Variants in ZNF385B observed in about 807,000 individuals in gnomAD.
The protein encoded by ZNF385B is zinc finger protein 533.
ZNF385B carries 23 observed loss-of-function variants against 39.2 expected under a neutral mutation model. The observed-to-expected ratio is 0.59, with a 90% CI of 0.42 to 0.83. The LOEUF is 0.83. Among genes scored for constraint, ZNF385B ranks in the 40% least tolerant of loss-of-function variants. ZNF385B has a pLI of 0.00. For missense variants in ZNF385B, 552 were observed against 598.9 expected, an observed-to-expected ratio of 0.92 and a Z score of 0.82; for synonymous variants, 205 against 222.6, an observed-to-expected ratio of 0.92 and a Z score of 0.70.
intron 3 of ZNF385B, among the ~76,000 whole-genome samples, chr2:179,563,933 GACT>G (rs1684239827): frequency 6.6e-6 from 1 of 152,116 alleles, no homozygotes; most frequent in Non-Finnish European, 1.5e-5. Flanking sequence ...GTTGAATCAT[GACT>G]GATTCTTGGA....
At chr2:179,511,456 C>A (rs1054580207) in intron 5 of ZNF385B, among the ~76,000 whole-genome samples, 2 of 152,090 alleles carry the variant, frequency 1.3e-5, no homozygotes, top group African/African-American at 4.8e-5. Context: ...GGCAGAAAGA[C>A]CGAGGAGGGC....
intron 1 of ZNF385B, among the ~76,000 whole-genome samples, chr2:179,857,159 T>C (rs1049060480): frequency 1.3e-5 from 2 of 152,214 alleles, no homozygotes; most frequent in Admixed American, 1.3e-4. Context: ...AAAAACCATG[T>C]TGAGGTGTTA....
At chr2:179,621,933 G>A (rs1215879583) in intron 3 of ZNF385B, among the ~76,000 whole-genome samples, 2 of 152,120 alleles carry the variant, frequency 1.3e-5, no homozygotes, top group East Asian at 3.8e-4. Flanking sequence ...TGAGAGTTTA[G>A]CATCTCTGAA....
intron 3 of ZNF385B, among the ~76,000 whole-genome samples, chr2:179,758,920 A>T (rs1011923520): frequency 1.3e-5 from 2 of 152,062 alleles, no homozygotes; most frequent in Non-Finnish European, 2.9e-5. Context: ...TTGTTTTAAA[A>T]TTTTTTCTGA....
intron 6 of ZNF385B, among the ~76,000 whole-genome samples, chr2:179,465,500 C>T (rs900834833): frequency 1.3e-5 from 2 of 152,168 alleles, no homozygotes; most frequent in Non-Finnish European, 2.9e-5. Context: ...CACACAGGGG[C>T]CTTTCCAAGT....
chr2:179,647,033 C>T (rs1194004569), intron 3 of ZNF385B, among the ~76,000 whole-genome samples: 2 of 152,138 alleles, frequency 1.3e-5, no homozygotes, highest in African/African-American at 4.8e-5. Flanking sequence ...GCCTGCCCTC[C>T]GGGTCAGGCT....
intron 1 of ZNF385B, among the ~76,000 whole-genome samples, chr2:179,827,561 T>G (rs1707747012): frequency 6.6e-6 from 1 of 152,132 alleles, no homozygotes; most frequent in South Asian, 2.1e-4. Flanking sequence ...AAATGCAAAA[T>G]GTAAATAATT....
chr2:179,704,953 T>C (rs1353688461), intron 3 of ZNF385B, among the ~76,000 whole-genome samples: 4 of 152,198 alleles, frequency 2.6e-5, no homozygotes, highest in African/African-American at 4.8e-5. Flanking sequence ...GTCACCTCCA[T>C]ACAGAAGCAC....
chr2:179,604,161 T>C (rs1043640077), intron 3 of ZNF385B, among the ~76,000 whole-genome samples: 24 of 152,138 alleles, frequency 1.6e-4, no homozygotes, highest in Non-Finnish European at 3.4e-4. Context: ...CTGAACACTT[T>C]TATCAAAAGC....
intron 9 of ZNF385B, 92 bp from the exon 10 acceptor site, chr2:179,443,560 T>TA: frequency 4.2e-6 from 4 of 958,574 alleles, no homozygotes; most frequent in Non-Finnish European, 6.4e-6. Flanking sequence ...ACACCAACAT[T>TA]AAGAAGTCTT....
intron 3 of ZNF385B, among the ~76,000 whole-genome samples, chr2:179,561,925 C>T (rs7563299): frequency 0.017 from 2,662 of 152,204 alleles, 89 homozygotes; most frequent in African/African-American, 0.061. Flanking sequence ...AAATCTCCCA[C>T]GTCACTCAAT....
chr2:179,777,026 G>A (rs1443182148), intron 1 of ZNF385B, among the ~76,000 whole-genome samples: 3 of 151,796 alleles, frequency 2.0e-5, no homozygotes, highest in African/African-American at 7.3e-5. Context: ...GATTAATTCA[G>A]CTACAGTTCA....
At chr2:179,459,984 A>G (rs2051140078) in intron 6 of ZNF385B, among the ~76,000 whole-genome samples, 1 of 151,896 alleles carries the variant, frequency 6.6e-6, no homozygotes, top group Admixed American at 6.6e-5. Context: ...CGTGCCTGTA[A>G]TCCCAGCTAC....
intron 4 of ZNF385B, among the ~76,000 whole-genome samples, chr2:179,525,447 A>T (rs1228969439): frequency 6.6e-6 from 1 of 151,692 alleles, no homozygotes; most frequent in Non-Finnish European, 1.5e-5. Flanking sequence ...TTGCACACAG[A>T]AAAAAAAAGT....
intron 3 of ZNF385B, chr2:179,576,037 A>G (rs1574868343): frequency 3.4e-6 from 2 of 593,044 alleles, no homozygotes; most frequent in Non-Finnish European, 4.2e-6. Flanking sequence ...TCTTTAAGTT[A>G]GACGATGGCA....
At chr2:179,808,496 A>C (rs1179021298) in intron 1 of ZNF385B, among the ~76,000 whole-genome samples, 1 of 152,236 alleles carries the variant, frequency 6.6e-6, no homozygotes, top group South Asian at 2.1e-4. Flanking sequence ...CCTAAAAAAA[A>C]TAACTAAGGC....
At chr2:179,503,307 T>C (rs890055091) in intron 5 of ZNF385B, among the ~76,000 whole-genome samples, 1 of 152,228 alleles carries the variant, frequency 6.6e-6, no homozygotes, top group Non-Finnish European at 1.5e-5. Context: ...ATCATTTGCA[T>C]TATCTTTGAA....
intron 6 of ZNF385B, among the ~76,000 whole-genome samples, chr2:179,451,947 T>C (rs2050192880): frequency 6.6e-6 from 1 of 152,148 alleles, no homozygotes; most frequent in Non-Finnish European, 1.5e-5. Context: ...AAGATGCATG[T>C]CATCTGGAAC....
At chr2:179,657,144 G>A (rs761547752) in intron 3 of ZNF385B, among the ~76,000 whole-genome samples, 1 of 152,204 alleles carries the variant, frequency 6.6e-6, no homozygotes, top group Non-Finnish European at 1.5e-5. Flanking sequence ...AAATGCCTGC[G>A]TCACAACTGT....
Sources: gnomAD v4.1 joint callset for allele counts (sites outside exome capture counted in the v4.1 genomes callset) on GRCh38, gnomAD v4.1.1 for gene constraint, MANE v1.5 for transcripts, NCBI Gene and HGNC (gene_info 2026-07-23, HGNC 2026-07-21) for gene names.